The following ZNF366 variants were observed in gnomAD, a reference collection of about 807,000 sequenced individuals.
ZNF366 encodes zinc finger protein 366.
Under a neutral mutation model 47.2 loss-of-function variants are expected in ZNF366, and 20 were observed. The observed-to-expected ratio is 0.42, with a 90% CI of 0.30 to 0.62. The LOEUF (loss-of-function observed/expected upper bound fraction) is 0.62. Among genes scored for constraint, ZNF366 ranks in the 20% least tolerant of loss-of-function variants. The pLI is 0.16. For synonymous variants in ZNF366, 421 were observed against 395.1 expected, an observed-to-expected ratio of 1.07 and a Z score of -0.78; for missense variants, 987 against 976.3, an observed-to-expected ratio of 1.01 and a Z score of -0.15.
At chr5:72,445,800 A>G (rs1040353446) in intron 4 of ZNF366, among the ~76,000 whole-genome samples, 1 of 152,216 alleles carries the variant, frequency 6.6e-6, no homozygotes, top group Non-Finnish European at 1.5e-5. Context: ...GGCTCAGGCA[A>G]CTAGAGATTC....
intron 1 of ZNF366, among the ~76,000 whole-genome samples, chr5:72,506,986 T>A (rs1186684924): frequency 1.3e-5 from 2 of 152,180 alleles, no homozygotes; most frequent in African/African-American, 2.4e-5. Flanking sequence ...CCCAGCCACA[T>A]GATCTGTGCC....
intron 1 of ZNF366, among the ~76,000 whole-genome samples, chr5:72,476,837 G>C (rs1185612370): frequency 6.6e-6 from 1 of 152,190 alleles, no homozygotes; most frequent in Non-Finnish European, 1.5e-5. Flanking sequence ...CCACCATAGG[G>C]ATGGCTCTTC....
At position 72,464,069 on chromosome 5, in the gene ZNF366, G is replaced by A. The variant is rs74820323; in HGVS notation, c.-14-2559C>T. Among the ~76,000 whole-genome samples the A allele has an allele frequency of 2.0e-4, 31 of 152,250 alleles. No homozygotes were observed. In the East Asian group the frequency reaches 5.2e-3, roughly 26 times the overall value. ...ATGGCAAACCATTGCAGAGCCCATC[G>A]AGAAGCAAACTGGTTCTCTTTTTAA... On this transcript the variant is annotated intron_variant, in intron 1 of 4. Coordinates refer to ENST00000318442, the MANE Select transcript of ZNF366 (RefSeq NM_152625.3).
intron 1 of ZNF366, among the ~76,000 whole-genome samples, chr5:72,470,095 TCATTCTGGC>T (rs1323700742): frequency 6.6e-6 from 1 of 152,184 alleles, no homozygotes; most frequent in Non-Finnish European, 1.5e-5. Flanking sequence ...GTGGACAAGA[TCATTCTGGC>T]CATTAGAAAA....
Position 72,447,393 on chromosome 5 carries a change from T to C in ZNF366, c.1549A>G (p.Met517Val). ...CKLCGKEFNR[M>V]HNLMGHMHLH... is the part of the protein sequence containing the mutation. ...TGCATGTGGCCCATCAGGTTGTGCATCCGGTTGAATTCCTTCCCACAAAGC... is the reference window on the plus strand; with the variant it reads ...TGCATGTGGCCCATCAGGTTGTGCACCCGGTTGAATTCCTTCCCACAAAGC... Residue 517 changes from methionine (M) to valine (V), a missense_variant, in exon 4 of 5, where the codon ATG becomes GTG. By Grantham distance (21) the Met-to-Val change is conservative (BLOSUM62 1). Around this residue, in one of 3 missense-constraint regions of ZNF366, gnomAD observed 111 missense variants for 180.5 expected, o/e 0.61. Coordinates refer to ENST00000318442, the MANE Select transcript of ZNF366 (RefSeq NM_152625.3). 6.2e-7 allele frequency: 1 copy of C among 1,614,162 alleles called. No homozygotes were observed. Among genetic ancestry groups the C allele is most frequent in the South Asian group, 1.1e-5 (1 of 91,076 alleles).
At chr5:72,458,291 C>T (rs1580235962) in intron 2 of ZNF366, among the ~76,000 whole-genome samples, 1 of 152,204 alleles carries the variant, frequency 6.6e-6, no homozygotes, top group East Asian at 1.9e-4. Flanking sequence ...GCTGGGATTA[C>T]AGGCGTGAGC....
chr5:72,460,857 G>A lies in ZNF366; in HGVS notation c.640C>T (p.Pro214Ser). 2 of 1,614,070 alleles carry A rather than the reference G, an allele frequency of 1.2e-6. No homozygotes were observed. Among genetic ancestry groups the A allele is most frequent in the Non-Finnish European group, 1.7e-6 (2 of 1,179,980 alleles). ...LPKQPPEPLLPRKAEPQESEE... is the reference protein window; with the variant it reads ...LPKQPPEPLLSRKAEPQESEE... ...CTCTCCTGGGGCTCGGCTTTCCGGG[G>A]CAGCAGAGGTTCCGGGGGCTGCTTG... The change falls in exon 2 of 5, where the codon CCC becomes TCC. Residue 214 changes from proline (P) to serine (S), a missense_variant. Pro to Ser is a moderately conservative substitution (Grantham distance 74, BLOSUM62 -1). Coordinates refer to ENST00000318442, the MANE Select transcript of ZNF366 (RefSeq NM_152625.3).
At chr5:72,493,661 C>T (rs982712384) in intron 1 of ZNF366, 1 of 152,132 alleles carries the variant, frequency 6.6e-6, no homozygotes, top group Non-Finnish European at 1.5e-5. Context: ...CAAGGACCTC[C>T]TGTAAGTTTA....
intron 1 of ZNF366, among the ~76,000 whole-genome samples, chr5:72,482,868 A>T (rs1394165556): frequency 6.6e-6 from 1 of 152,006 alleles, no homozygotes; most frequent in African/African-American, 2.4e-5. Flanking sequence ...GAAGCCAAGT[A>T]TCACATGTGT....
chr5:72,485,447 G>T (rs944184077), intron 1 of ZNF366, among the ~76,000 whole-genome samples: 1 of 152,170 alleles, frequency 6.6e-6, no homozygotes, highest in Non-Finnish European at 1.5e-5. Flanking sequence ...CAGGCCATCT[G>T]AGTAACCTGG....
At chr5:72,452,994 A>G (rs1232776873) in intron 3 of ZNF366, among the ~76,000 whole-genome samples, 1 of 152,226 alleles carries the variant, frequency 6.6e-6, no homozygotes, top group Non-Finnish European at 1.5e-5. Context: ...ACAGCAAAAG[A>G]GCCGAGAAGG....
chr5:72,489,800 A>T (rs1321405076), intron 1 of ZNF366, among the ~76,000 whole-genome samples: 1 of 152,254 alleles, frequency 6.6e-6, no homozygotes, highest in Non-Finnish European at 1.5e-5. Context: ...TTACAAGAAG[A>T]AAAGAGCTAA....
At chr5:72,450,774 A>G (rs1348463690) in intron 3 of ZNF366, among the ~76,000 whole-genome samples, 2 of 152,172 alleles carry the variant, frequency 1.3e-5, no homozygotes, top group South Asian at 2.1e-4. Flanking sequence ...CATCTTTCAC[A>G]GAAGATTGTC....
At chr5:72,463,752 T>G (rs1222566139) in intron 1 of ZNF366, among the ~76,000 whole-genome samples, 1 of 152,196 alleles carries the variant, frequency 6.6e-6, no homozygotes, top group Non-Finnish European at 1.5e-5. Context: ...ATTTGATGGT[T>G]TTTCTTGTTT....
intron 1 of ZNF366, among the ~76,000 whole-genome samples, chr5:72,466,214 G>A (rs182136100): frequency 1.5e-3 from 213 of 141,508 alleles, no homozygotes; most frequent in African/African-American, 5.2e-3. Flanking sequence ...TATGGATAAG[G>A]CTAGGGTGAG....
In ZNF366 at chr5:72,440,173, T is replaced by C. The variant is rs754881161; in HGVS notation, c.*3583A>G. On this transcript the variant is annotated 3_prime_UTR_variant, in exon 5 of 5. Transcript: ENST00000318442. ...AAAGATCATAATTCAAAACACCATG[T>C]TAATATTTTATTAAATGCGTTCAGG... 2 of 152,232 alleles carry C rather than the reference T, an allele frequency of 1.3e-5. No individual in the cohort carries two copies. Among genetic ancestry groups the C allele is most frequent in the African/African-American group, 2.4e-5 (1 of 41,444 alleles). The allele number at this position is 152,232 out of a possible 1,614,324, so 9.4% of individuals were successfully genotyped here.
At chr5:72,505,377 A>C (rs1258688244) in intron 1 of ZNF366, among the ~76,000 whole-genome samples, 1 of 152,220 alleles carries the variant, frequency 6.6e-6, no homozygotes, top group East Asian at 1.9e-4. Context: ...TGACTTAACA[A>C]CTTAAATGGA....
At position 72,465,910 on chromosome 5, in the gene ZNF366, G is replaced by A. The variant is rs143168910; in HGVS notation, c.-14-4400C>T. Among the ~76,000 whole-genome samples the A allele has an allele frequency of 4.5e-3, 692 of 152,296 alleles. 2 individuals carry two copies. Among genetic ancestry groups the A allele is most frequent in the African/African-American group, 0.016 (651 of 41,558 alleles). On this transcript the variant is annotated intron_variant, in intron 1 of 4. Transcript: ENST00000318442. ...GTTTGATTTTCTCATTCATGAAATGGGAGTTAGGATATCCTCATAGGGTTG... is the reference window on the plus strand; with the variant it reads ...GTTTGATTTTCTCATTCATGAAATGAGAGTTAGGATATCCTCATAGGGTTG...
intron 1 of ZNF366, among the ~76,000 whole-genome samples, chr5:72,488,476 T>C (rs1268956312): frequency 6.6e-6 from 1 of 152,216 alleles, no homozygotes; most frequent in African/African-American, 2.4e-5. Flanking sequence ...TCTTTTCTTA[T>C]TATTTAACAA....
Sources: allele counts gnomAD v4.1 joint callset (sites outside exome capture counted in the v4.1 genomes callset), GRCh38; gene constraint gnomAD v4.1.1; regional missense constraint gnomAD v4.1.1; transcripts MANE v1.5; gene names NCBI Gene and HGNC (gene_info 2026-07-23, HGNC 2026-07-21).